The following PNLDC1 variants were observed in gnomAD, a reference collection of about 807,000 sequenced individuals.
PNLDC1 encodes the protein PARN like ribonuclease domain containing exonuclease 1, also known as poly(A)-specific ribonuclease PNLDC1.
A neutral mutation model predicts 82.0 loss-of-function variants in PNLDC1; 70 were observed. The ratio of observed to expected loss-of-function variants is 0.85; its 90% CI spans 0.70 to 1.04. The LOEUF is 1.04. Among genes scored for constraint, PNLDC1 ranks in the 50% least tolerant of loss-of-function variants. The pLI is 0.00. For synonymous variants in PNLDC1, 280 were observed against 249.3 expected (o/e 1.12, Z -1.16); for missense variants, 631 against 661.1 (o/e 0.95, Z 0.50).
intron 14 of PNLDC1, 108 bp downstream of exon 14, chr6:159,816,704 C>A: frequency 1.0e-6 from 1 of 977,692 alleles, no homozygotes; most frequent in Non-Finnish European, 1.6e-6. Context: ...AGGATCTCGG[C>A]TCACTGCAGC....
rs1415136318 is a variant in PNLDC1 at position 159,809,126 on chromosome 6, G to C, written c.751G>C (p.Val251Leu). Reference protein sequence around the residue: ...NILLSARGFSVFFQMLVKAQK... With the variant: ...NILLSARGFSLFFQMLVKAQK... ...TCTTCTCTCAGCAAGGGGTTTTTCT[G>C]TCTTTTTCCAAATGCTGGTGAAAGC... Residue 251 changes from valine to leucine, a missense_variant, in exon 9 of 19, where the codon GTC (valine) becomes CTC (leucine). Transcript: ENST00000392167. 2 of 1,613,878 alleles carry C rather than the reference G, an allele frequency of 1.2e-6. No individual in the cohort carries two copies. Among genetic ancestry groups the C allele is most frequent in the Admixed American group, 3.3e-5 (2 of 59,920 alleles).
intron 11 of PNLDC1, among the ~76,000 whole-genome samples, chr6:159,813,400 G>T (rs1001778930): frequency 6.6e-6 from 1 of 152,082 alleles, no homozygotes; most frequent in Non-Finnish European, 1.5e-5. Context: ...GTTTTTGAGA[G>T]TCCTTCTAGG....
rs757379725 is a variant in PNLDC1 at position 159,819,014 on chromosome 6, T to C, written c.1326T>C (p.Pro442=). Residue 442 remains proline (P), a synonymous_variant, in exon 17 of 19, where the codon CCT becomes CCC. Transcript: ENST00000392167. This position sits in a 1 kb window ranked among gnomAD's most constrained non-coding sequence, Gnocchi z 4.6. The part of the protein sequence containing the change: ...PILILSVKRW[P]GVSEQQVYHK... ...TCATCCTCAGCGTCAAAAGGTGGCC[T>C]GGGGTCAGCGAGCAGCAAGTCTACC... 5.0e-6 allele frequency: 8 copies of C among 1,613,908 alleles called. No individual in the cohort carries two copies. Among genetic ancestry groups the C allele is most frequent in the East Asian group, 2.2e-5 (1 of 44,888 alleles).
At chr6:159,804,198 T>C in intron 5 of PNLDC1, 110 bp downstream of exon 5, 2 of 1,303,828 alleles carry the variant, frequency 1.5e-6, no homozygotes, top group Non-Finnish European at 2.1e-6. Flanking sequence ...CCTCCCGGGT[T>C]CAAGTGATTT....
chr6:159,804,518 G>C (rs374414484), intron 5 of PNLDC1, 31 bp from the exon 6 acceptor site: 27 of 1,451,718 alleles, frequency 1.9e-5, no homozygotes, highest in Admixed American at 1.9e-4. Flanking sequence ...TTGTCTCCTT[G>C]TTCTGTTTGT....
At chr6:159,809,463 T>A (rs932537242) in intron 9 of PNLDC1, among the ~76,000 whole-genome samples, 2 of 151,404 alleles carry the variant, frequency 1.3e-5, no homozygotes, top group African/African-American at 4.9e-5. Flanking sequence ...TTTTTTTTTT[T>A]TTTTTTTTTT....
chr6:159,803,980 T>G lies in PNLDC1; in HGVS notation c.264T>G (p.Ser88=), dbSNP rs35435543. 842,622 of 1,612,220 alleles carry G rather than the reference T, an allele frequency of 0.52. 226,521 individuals are homozygous for G. Among genetic ancestry groups the G allele is most frequent in the Admixed American group, 0.6 (35,887 of 59,952 alleles). ...TTTATTATAGGTATATAGCCCATTCTTGTAACTTCTATCTCTTCCCTACAA... is the reference window on the plus strand; with the variant it reads ...TTTATTATAGGTATATAGCCCATTCGTGTAACTTCTATCTCTTCCCTACAA... ...EGEANKYIAH[S]CNFYLFPTTF... Residue 88 remains serine, a synonymous_variant, in exon 5 of 19, where the codon TCT becomes TCG. Transcript: ENST00000392167.
chr6:159,803,657 C>A (rs954258153), intron 4 of PNLDC1, among the ~76,000 whole-genome samples: 1 of 152,134 alleles, frequency 6.6e-6, no homozygotes, highest in East Asian at 1.9e-4. Context: ...AAGGATGCCC[C>A]AACTATCAGG....
At chr6:159,800,917 A>C (rs1781227189) in intron 2 of PNLDC1, 88 bp downstream of exon 2, 1 of 1,592,206 alleles carries the variant, frequency 6.3e-7, no homozygotes, top group Non-Finnish European at 8.6e-7. Flanking sequence ...TTTGGGGGGC[A>C]GGACGTTTTG....
rs1781235328 is a variant in PNLDC1 at position 159,801,094 on chromosome 6, G to C, written c.135-19G>C. On this transcript the variant is annotated intron_variant, in intron 2 of 18. Transcript: ENST00000392167. ...TGGGATGTCATTGCTCGTGGAATGAGATGCCTGTTTGTTCACAGTCTTTTT... is the reference window on the plus strand; with the variant it reads ...TGGGATGTCATTGCTCGTGGAATGACATGCCTGTTTGTTCACAGTCTTTTT... 1 of 1,613,510 alleles carries C rather than the reference G, an allele frequency of 6.2e-7. No homozygotes were observed. The highest frequency in any genetic ancestry group is 8.5e-7 in the Non-Finnish European group (1 of 1,179,470).
intron 7 of PNLDC1, among the ~76,000 whole-genome samples, chr6:159,808,529 T>TTAAA (rs1554273214): frequency 7.8e-6 from 1 of 127,402 alleles, no homozygotes; most frequent in Non-Finnish European, 1.6e-5. Flanking sequence ...GGCCCTGAGA[T>TTAAA]AAAAAAAAAA....
intron 12 of PNLDC1, 92 bp downstream of exon 12, chr6:159,813,748 C>T: frequency 1.8e-6 from 2 of 1,134,354 alleles, no homozygotes; most frequent in Non-Finnish European, 1.3e-6. Context: ...GCGTGCCCAC[C>T]ATTCACAGTG....
At chr6:159,804,722 G>A in intron 6 of PNLDC1, 85 bp downstream of exon 6, 5 of 1,002,882 alleles carry the variant, frequency 5.0e-6, no homozygotes, top group East Asian at 2.5e-5. Context: ...GTTTCCAGGA[G>A]TGTGGTGACC....
At chr6:159,808,685 G>A (rs1302011433) in intron 7 of PNLDC1, 55 bp from the exon 8 acceptor site, 2 of 1,509,088 alleles carry the variant, frequency 1.3e-6, no homozygotes, top group African/African-American at 2.8e-5. Flanking sequence ...TTCTCTTGTG[G>A]GGAACATGCC....
chr6:159,809,182 T>C lies in PNLDC1; in HGVS notation c.783+24T>C, dbSNP rs763830915. Reference sequence around the variant, plus strand: ...AGGTAGGAAAACATGTCTCTTTTCTTGGCCTAAAGGCAGTCTTTAGTATTT... The same window carrying C: ...AGGTAGGAAAACATGTCTCTTTTCTCGGCCTAAAGGCAGTCTTTAGTATTT... On this transcript the variant is annotated intron_variant, in intron 9 of 18. Coordinates refer to ENST00000392167, the MANE Select transcript of PNLDC1 (RefSeq NM_001271862.2). 4 of 1,612,658 alleles carry C rather than the reference T, an allele frequency of 2.5e-6. No individual in the cohort carries two copies. The South Asian group carries it at 4.4e-5, about 18-fold the overall frequency.
chr6:159,818,744 G>T, intron 16 of PNLDC1, 90 bp downstream of exon 16: 1 of 1,343,054 alleles, frequency 7.4e-7, no homozygotes, highest in Non-Finnish European at 1.1e-6. Flanking sequence ...CTCGTGAGAG[G>T]GATTTCGGTG....
chr6:159,808,644 C>T, intron 7 of PNLDC1, 96 bp from the exon 8 acceptor site: 3 of 1,186,494 alleles, frequency 2.5e-6, no homozygotes, highest in Non-Finnish European at 3.7e-6. Context: ...TCCACTTGAC[C>T]TTTCCATCTC....
At position 159,816,560 on chromosome 6, in the gene PNLDC1, C is replaced by T; in HGVS notation, c.1078C>T (p.His360Tyr). 1.9e-6 allele frequency: 3 copies of T among 1,613,896 alleles called. No individual in the cohort carries two copies. Among genetic ancestry groups the T allele is most frequent in the Non-Finnish European group, 2.5e-6 (3 of 1,179,934 alleles). Residue 360 changes from histidine to tyrosine, a missense_variant, in exon 14 of 19, where the codon CAC becomes TAC. Physicochemically the swap from His to Tyr is moderately conservative, Grantham distance 83 (BLOSUM62 2). Transcript: ENST00000392167. ...CEKYVETKCP[H>Y]EAAYDAFLCG... Reference sequence around the variant, plus strand: ...TGCCTCAGTTGAGACAAAGTGCCCCCACGAAGCCGCGTATGATGCCTTCCT... The same window carrying T: ...TGCCTCAGTTGAGACAAAGTGCCCCTACGAAGCCGCGTATGATGCCTTCCT...
chr6:159,816,597 G>T lies in PNLDC1; in HGVS notation c.1114+1G>T. ...TATGATGCCTTCCTCTGTGGGTCAG[G>T]TAAGGATTGCGGTTCCTTTAAAAGG... On this transcript the variant is annotated splice_donor_variant, in intron 14 of 18. Coordinates refer to ENST00000392167, the MANE Select transcript of PNLDC1 (RefSeq NM_001271862.2). LOFTEE classifies it high-confidence loss of function. 1 of 1,612,346 alleles carries T rather than the reference G, an allele frequency of 6.2e-7. No homozygotes were observed. The highest frequency in any genetic ancestry group is 8.5e-7 in the Non-Finnish European group (1 of 1,179,132).
Sources: gnomAD v4.1 joint callset for allele counts (sites outside exome capture counted in the v4.1 genomes callset) on GRCh38, gnomAD v4.1.1 for gene constraint, Gnocchi (gnomAD v3.1) non-coding constraint, MANE v1.5 for transcripts, NCBI Gene and HGNC (gene_info 2026-07-23, HGNC 2026-07-21) for gene names.